KDM6A: variants seen among roughly 807,000 people sequenced by gnomAD.
The protein encoded by KDM6A is lysine-specific demethylase 6A.
In KDM6A, 11 loss-of-function variants were observed where a neutral mutation model predicts 117.6. The ratio of observed to expected loss-of-function variants is 0.09; its 90% CI spans 0.06 to 0.15. The LOEUF is 0.15. Ranked by LOEUF, KDM6A falls within the 10% of genes least tolerant of loss-of-function variation. The pLI is 1.00. For missense variants in KDM6A, 799 were observed against 1,077.3 expected, an observed-to-expected ratio of 0.74 and a Z score of 3.62; for synonymous variants, 384 against 396.1, an observed-to-expected ratio of 0.97 and a Z score of 0.36.
At chrX:44,969,491 C>A (rs1368102210) in intron 3 of KDM6A, among the ~76,000 whole-genome samples, 1 of 95,509 alleles carries the variant, frequency 1.0e-5, no homozygotes, top group Non-Finnish European at 2.0e-5. Context: ...GATCTCGGCT[C>A]ACTGCAAGCT....
At chrX:45,107,163 C>T in intron 27 of KDM6A, 1 of 327,793 alleles carries the variant, frequency 3.1e-6, no homozygotes, top group South Asian at 4.0e-5. Context: ...TGTACTAAGA[C>T]CATTATATTT....
chrX:45,065,970 A>G (rs2044513608), intron 17 of KDM6A, among the ~76,000 whole-genome samples: 1 of 111,919 alleles, frequency 8.9e-6, no homozygotes, highest in African/African-American at 3.3e-5. Flanking sequence ...ATTTGCTGAC[A>G]TTATTGGAGT....
chrX:45,102,790 T>C (rs1343489239), intron 27 of KDM6A, among the ~76,000 whole-genome samples: 2 of 111,956 alleles, frequency 1.8e-5, no homozygotes, highest in South Asian at 3.7e-4. Context: ...TCTTAAGATA[T>C]GCGTTTTTTC....
intron 2 of KDM6A, among the ~76,000 whole-genome samples, chrX:44,948,295 A>G (rs747216710): frequency 8.9e-6 from 1 of 111,958 alleles, no homozygotes; most frequent in East Asian, 2.8e-4. Flanking sequence ...CTAGCGGTTA[A>G]AAGCTCTCTC....
At chrX:45,093,640 GT>G (rs2045985164) in intron 27 of KDM6A, among the ~76,000 whole-genome samples, 1 of 110,464 alleles carries the variant, frequency 9.1e-6, no homozygotes, top group South Asian at 3.9e-4. Context: ...AAAACTTATA[GT>G]CTTTTCTTCT....
chrX:44,984,331 A>G (rs1333006958), intron 4 of KDM6A, among the ~76,000 whole-genome samples: 1 of 111,325 alleles, frequency 9.0e-6, no homozygotes, highest in Non-Finnish European at 1.9e-5. Context: ...AGATGAGTAG[A>G]TTGTAAAAAT....
At chrX:44,997,828 ATTAAGG>A (rs1227030188) in intron 4 of KDM6A, among the ~76,000 whole-genome samples, 2 of 112,227 alleles carry the variant, frequency 1.8e-5, no homozygotes, top group Non-Finnish European at 3.8e-5. Context: ...AATTTGCCCG[ATTAAGG>A]AGTGAGTTGA....
rs1329129119 is a variant in KDM6A at position 44,943,320 on chromosome X, T to C, written c.226-17964T>C. Among the ~76,000 whole-genome samples, 4 of 110,557 alleles carry C rather than the reference T, an allele frequency of 3.6e-5. No individual in the cohort carries two copies. In the East Asian group the frequency reaches 1.1e-3, roughly 31 times the overall value. ...GTAATAACATTACATCTAAAAGAAG[T>C]GTATACCTTAATTGAAAAGCAATAT... On this transcript the variant is annotated intron_variant, in intron 2 of 29. Coordinates refer to ENST00000611820, the MANE Select transcript of KDM6A (RefSeq NM_001291415.2).
intron 25 of KDM6A, among the ~76,000 whole-genome samples, chrX:45,088,893 C>T (rs7891646): frequency 0.17 from 18,484 of 111,706 alleles, 2,187 homozygotes; most frequent in African/African-American, 0.42. Context: ...TGTGCATGTG[C>T]GTGATTGTTT....
intron 2 of KDM6A, among the ~76,000 whole-genome samples, chrX:44,914,767 C>T (rs986416322): frequency 9.1e-6 from 1 of 110,297 alleles, no homozygotes. Context: ...TTCTTATTTA[C>T]ATCTAGTATA....
intron 3 of KDM6A, among the ~76,000 whole-genome samples, chrX:44,971,300 A>T (rs1035416537): frequency 8.9e-6 from 1 of 112,027 alleles, no homozygotes; most frequent in African/African-American, 3.2e-5. Flanking sequence ...CTCATAGTCT[A>T]ACGTCCTTCC....
chrX:44,962,177 G>A (rs904945073), intron 3 of KDM6A, among the ~76,000 whole-genome samples: 5 of 112,077 alleles, frequency 4.5e-5, no homozygotes, highest in African/African-American at 1.6e-4. Flanking sequence ...GATAGTTTCA[G>A]GGCTAAAGTG....
Position 45,090,715 on chromosome X carries a change from T to C in KDM6A, c.3893-8T>C, listed in dbSNP as rs1157978107. The stretch of plus-strand genomic sequence containing the variant: ...GGGTTGCTTTATAACTGTTTTTTTT[T>C]TTCCTAGCCTGCCAGTATAAATTGG... On this transcript the variant is annotated splice_polypyrimidine_tract_variant and splice_region_variant and intron_variant, in intron 26 of 29. Coordinates refer to ENST00000611820, the MANE Select transcript of KDM6A (RefSeq NM_001291415.2). 1.7e-6 allele frequency: 2 copies of C among 1,209,857 alleles called. No homozygotes were observed. The highest frequency in any genetic ancestry group is 1.8e-5 in the South Asian group (1 of 56,829).
chrX:44,943,746 A>G lies in KDM6A; in HGVS notation c.226-17538A>G, dbSNP rs5952276. On this transcript the variant is annotated intron_variant, in intron 2 of 29. Transcript: ENST00000611820. ...TTCACTGATTATGAATAAAGCTGCT[A>G]TAAACATTCATGTATAGGTTTTGGT... Among the ~76,000 whole-genome samples, 44 of 112,195 alleles carry G rather than the reference A, an allele frequency of 3.9e-4. No individual in the cohort carries two copies. In the Middle Eastern group the frequency reaches 0.018, roughly 47 times the overall value.
intron 2 of KDM6A, among the ~76,000 whole-genome samples, chrX:44,886,185 G>T (rs1005010899): frequency 5.5e-5 from 6 of 108,805 alleles, no homozygotes. Context: ...AGCCTCCCGA[G>T]TAGCTGAGAT....
intron 8 of KDM6A, among the ~76,000 whole-genome samples, chrX:45,041,711 G>A (rs1278064963): frequency 7.4e-4 from 79 of 106,688 alleles, no homozygotes; most frequent in African/African-American, 2.5e-3. Flanking sequence ...GGGAAGAGGC[G>A]CTCCTCGCTT....
intron 8 of KDM6A, among the ~76,000 whole-genome samples, chrX:45,041,456 G>A (rs1312044652): frequency 9.3e-6 from 1 of 107,009 alleles, no homozygotes; most frequent in Admixed American, 9.6e-5. Context: ...CCTCCCGGAC[G>A]GGGTGGCTGC....
intron 4 of KDM6A, among the ~76,000 whole-genome samples, chrX:45,006,766 G>C (rs1408267145): frequency 1.8e-5 from 2 of 111,090 alleles, no homozygotes; most frequent in African/African-American, 6.6e-5. Context: ...TCTTTGAAAA[G>C]AAATTTAGAA....
intron 27 of KDM6A, among the ~76,000 whole-genome samples, chrX:45,099,863 T>C (rs1193117543): frequency 9.0e-6 from 1 of 110,969 alleles, no homozygotes; most frequent in African/African-American, 3.3e-5. Context: ...TGAAACCCCG[T>C]CTCTACTAAA....
Sources: gnomAD v4.1 joint callset for allele counts (sites outside exome capture counted in the v4.1 genomes callset) on GRCh38, gnomAD v4.1.1 for gene constraint, MANE v1.5 for transcripts, NCBI Gene and HGNC (gene_info 2026-07-23, HGNC 2026-07-21) for gene names.